HLF: variants seen among roughly 807,000 people sequenced by gnomAD.
HLF encodes the protein HLF transcription factor, PAR bZIP family member, also known as hepatic leukemia factor.
HLF carries 3 observed loss-of-function variants against 22.6 expected under a neutral mutation model. The observed-to-expected ratio is 0.13, with a 90% CI of 0.06 to 0.34. The LOEUF (loss-of-function observed/expected upper bound fraction) is 0.34. HLF is among the 10% of genes least tolerant of loss of function. HLF has a pLI of 1.00. For synonymous variants in HLF, 151 were observed against 151.8 expected, an observed-to-expected ratio of 0.99 and a Z score of 0.04; for missense variants, 299 against 389.2, an observed-to-expected ratio of 0.77 and a Z score of 1.95.
intron 3 of HLF, among the ~76,000 whole-genome samples, chr17:55,316,063 G>A (rs894139721): frequency 4.1e-4 from 62 of 152,318 alleles, no homozygotes; most frequent in African/African-American, 1.4e-3. Flanking sequence ...TTTCTCTGCA[G>A]TGTTGAAGGG....
intron 2 of HLF, chr17:55,283,851 A>G (rs1025538646): frequency 6.6e-6 from 1 of 152,226 alleles, no homozygotes; most frequent in Non-Finnish European, 1.5e-5. Context: ...AGTCAGCCGT[A>G]CACTCCATAC....
rs12940636 is a variant in HLF at position 55,322,749 on chromosome 17, T to C, written c.*1870T>C. 0.3 allele frequency: 66,792 copies of C among 223,402 alleles called. 10,753 individuals are homozygous for C. Among genetic ancestry groups the C allele is most frequent in the Non-Finnish European group, 0.34 (38,113 of 111,600 alleles). 13.8% of individuals were successfully genotyped at this position (223,402 alleles called of 1,614,324 possible). Reference sequence around the variant, plus strand: ...TGCCACAAAAATGTTCACTTCGAAATTCTGAGTTCCTGGAATGGCACGTTG... The same window carrying C: ...TGCCACAAAAATGTTCACTTCGAAACTCTGAGTTCCTGGAATGGCACGTTG... On this transcript the variant is annotated 3_prime_UTR_variant, in exon 4 of 4. Transcript: ENST00000226067.
intron 2 of HLF, among the ~76,000 whole-genome samples, chr17:55,312,027 C>T (rs982250961): frequency 1.3e-5 from 2 of 152,192 alleles, no homozygotes; most frequent in South Asian, 2.1e-4. Context: ...CATAGTATTC[C>T]GTGGTGTAGA....
intron 2 of HLF, among the ~76,000 whole-genome samples, chr17:55,310,122 A>G (rs1487457029): frequency 1.3e-5 from 2 of 152,326 alleles, no homozygotes; most frequent in African/African-American, 2.4e-5. Context: ...GGTAACTTCT[A>G]TTCTTTTTCC....
intron 2 of HLF, among the ~76,000 whole-genome samples, chr17:55,306,266 G>C (rs151008589): frequency 2.4e-4 from 36 of 152,236 alleles, no homozygotes; most frequent in African/African-American, 8.7e-4. Context: ...AGGGAAGCCC[G>C]TCTACCAGCC....
At chr17:55,294,882 C>T (rs146986635) in intron 2 of HLF, among the ~76,000 whole-genome samples, 6 of 152,296 alleles carry the variant, frequency 3.9e-5, no homozygotes, top group Non-Finnish European at 5.9e-5. Flanking sequence ...GCTGTCAAGT[C>T]GGATACACAG....
chr17:55,294,780 A>G (rs1054167520), intron 2 of HLF, among the ~76,000 whole-genome samples: 10 of 152,184 alleles, frequency 6.6e-5, no homozygotes, highest in Non-Finnish European at 1.2e-4. Flanking sequence ...AAAAACAAGA[A>G]CAAGAAAGAG....
chr17:55,309,656 A>G (rs1044289336), intron 2 of HLF, among the ~76,000 whole-genome samples: 11 of 152,226 alleles, frequency 7.2e-5, no homozygotes, highest in African/African-American at 2.4e-4. Context: ...CCCTTTGGCC[A>G]AAATAAAAAT....
At chr17:55,316,965 G>GT (rs35293604) in intron 3 of HLF, among the ~76,000 whole-genome samples, 51,125 of 107,020 alleles carry the variant, frequency 0.48, 13,339 homozygotes, top group Non-Finnish European at 0.52. Context: ...TTTTTATGGT[G>GT]TTTTTTTTTT....
chr17:55,266,877 C>T (rs2080796728), intron 1 of HLF: 1 of 858,600 alleles, frequency 1.2e-6, no homozygotes, highest in Admixed American at 6.2e-5. Flanking sequence ...CTGCATACTT[C>T]CAACATAAAT....
chr17:55,283,448 C>G (rs1211464959), intron 2 of HLF: 1 of 152,298 alleles, frequency 6.6e-6, no homozygotes, highest in African/African-American at 2.4e-5. Context: ...GCTGTCCTGC[C>G]AGAGCAGGTT....
At chr17:55,288,390 C>T (rs536228441) in intron 2 of HLF, among the ~76,000 whole-genome samples, 16 of 152,196 alleles carry the variant, frequency 1.1e-4, no homozygotes, top group African/African-American at 3.6e-4. Flanking sequence ...TCAAGTGATC[C>T]GCCCTCCTTG....
At chr17:55,305,557 T>C (rs1160604700) in intron 2 of HLF, among the ~76,000 whole-genome samples, 1 of 152,196 alleles carries the variant, frequency 6.6e-6, no homozygotes, top group Non-Finnish European at 1.5e-5. Flanking sequence ...AGAAAGAGCG[T>C]GGGCTATGGT....
intron 2 of HLF, among the ~76,000 whole-genome samples, chr17:55,292,039 T>C (rs2081067822): frequency 6.6e-6 from 1 of 152,254 alleles, no homozygotes; most frequent in South Asian, 2.1e-4. Flanking sequence ...AGGAATTGTT[T>C]CTTGCAGATG....
intron 3 of HLF, among the ~76,000 whole-genome samples, chr17:55,315,667 G>A (rs548645363): frequency 4.6e-5 from 7 of 152,258 alleles, no homozygotes; most frequent in South Asian, 2.1e-4. Context: ...ACAAGGAGAA[G>A]CAGTAAAATG....
chr17:55,288,868 C>T (rs2081032977), intron 2 of HLF: 7 of 977,014 alleles, frequency 7.2e-6, no homozygotes, highest in Non-Finnish European at 8.5e-6. Flanking sequence ...AATTTTCCAC[C>T]CTTTAATCAC....
chr17:55,306,846 C>T (rs1403308375), intron 2 of HLF, among the ~76,000 whole-genome samples: 2 of 150,032 alleles, frequency 1.3e-5, no homozygotes, highest in Non-Finnish European at 3.0e-5. Context: ...TCTTGTATTT[C>T]TTCTTGGTTT....
intron 2 of HLF, 48 bp from the exon 3 acceptor site, chr17:55,315,179 T>C (rs1905014816): frequency 7.0e-7 from 1 of 1,432,706 alleles, no homozygotes; most frequent in Non-Finnish European, 9.8e-7. Context: ...AGCTGCCTAC[T>C]GGGTCTCTCT....
intron 2 of HLF, among the ~76,000 whole-genome samples, chr17:55,285,328 C>T (rs2080994748): frequency 6.6e-6 from 1 of 152,170 alleles, no homozygotes; most frequent in Admixed American, 6.5e-5. Flanking sequence ...TGGTCTGTAG[C>T]CACCAAGAAA....
Sources: allele counts gnomAD v4.1 joint callset (sites outside exome capture counted in the v4.1 genomes callset), GRCh38; gene constraint gnomAD v4.1.1; transcripts MANE v1.5; gene names NCBI Gene and HGNC (gene_info 2026-07-23, HGNC 2026-07-21).